PPFIBP1: variants seen among roughly 807,000 people sequenced by gnomAD.
PPFIBP1 encodes the protein PPFIB scaffold protein 1, also known as liprin-beta-1.
PPFIBP1 carries 112 observed loss-of-function variants against 137.8 expected under a neutral mutation model. The observed-to-expected ratio is 0.81, with a 90% CI of 0.70 to 0.95. The LOEUF is 0.95. Ranked by LOEUF, PPFIBP1 falls within the 40% of genes least tolerant of loss-of-function variation. The probability of loss-of-function intolerance (pLI) is 0.00; values close to 1 mark genes in which losing one functional copy is unlikely to be tolerated. For missense variants in PPFIBP1, 1,083 were observed against 1,196.6 expected (o/e 0.91, Z 1.40); for synonymous variants, 378 against 417.3 (o/e 0.91, Z 1.15).
chr12:27,592,552 T>C, intron 2 of PPFIBP1: 1 of 1,335,184 alleles, frequency 7.5e-7, no homozygotes, highest in Non-Finnish European at 1.1e-6. Context: ...ACGGGGACTC[T>C]TGGTGGCTTT....
rs2058136122 is a variant in PPFIBP1 at position 27,641,946 on chromosome 12, A to AAATAAAT, written c.271-4114_271-4113insTAAATAA. Among the ~76,000 whole-genome samples, 5 of 147,900 alleles carry AAATAAAT rather than the reference A, an allele frequency of 3.4e-5. No homozygotes were observed. In the East Asian group the frequency reaches 9.9e-4, roughly 29 times the overall value. ...CACTATATTAAATCTTGCAACTGCA[A>AAATAAAT]AAATAAATAAATAAATAAATAAATA... On this transcript the variant is annotated intron_variant, in intron 4 of 29. Coordinates refer to ENST00000228425, the MANE Select transcript of PPFIBP1 (RefSeq NM_003622.4).
At chr12:27,600,176 G>A (rs887890839) in intron 2 of PPFIBP1, among the ~76,000 whole-genome samples, 3 of 152,160 alleles carry the variant, frequency 2.0e-5, no homozygotes, top group Non-Finnish European at 4.4e-5. Flanking sequence ...GGTGGCTCAT[G>A]CCTATAATCC....
At chr12:27,537,741 G>T (rs67992105) in intron 1 of PPFIBP1, among the ~76,000 whole-genome samples, 25,193 of 151,726 alleles carry the variant, frequency 0.17, 2,351 homozygotes, top group Middle Eastern at 0.26. Flanking sequence ...TCCTGCGCTG[G>T]TGCCTTAAAG....
intron 4 of PPFIBP1, chr12:27,636,872 T>C (rs2139140474): frequency 6.6e-6 from 1 of 152,326 alleles, no homozygotes; most frequent in South Asian, 2.1e-4. Flanking sequence ...TTTCACTGAT[T>C]CTTAAACATG....
Position 27,689,087 on chromosome 12 carries a change from C to T in PPFIBP1, c.2569C>T (p.Arg857Ter), listed in dbSNP as rs373264878. The change falls in exon 27 of 30, where the codon CGA becomes TGA. Residue 857 changes from arginine (R) to a stop codon, truncating the protein, a stop_gained. Coordinates refer to ENST00000228425, the MANE Select transcript of PPFIBP1 (RefSeq NM_003622.4). LOFTEE classifies it high-confidence loss of function. ...CATCCCACCCAATAAGACTTTGCTGCGAAGACATTTGGCCACTCATTTCAA... is the reference window on the plus strand; with the variant it reads ...CATCCCACCCAATAAGACTTTGCTGTGAAGACATTTGGCCACTCATTTCAA... ...LNIPPNKTLL[R>*]RHLATHFNLL... is the part of the protein sequence containing the mutation. 1.9e-6 allele frequency: 3 copies of T among 1,613,218 alleles called. No homozygotes were observed. The highest frequency in any genetic ancestry group is 1.1e-5 in the South Asian group (1 of 90,894).
At chr12:27,602,332 GTGA>G (rs759999794) in intron 2 of PPFIBP1, among the ~76,000 whole-genome samples, 23 of 152,330 alleles carry the variant, frequency 1.5e-4, no homozygotes, top group Admixed American at 3.3e-4. Flanking sequence ...GGTGTACAGT[GTGA>G]TGATTTCATG....
intron 24 of PPFIBP1, among the ~76,000 whole-genome samples, chr12:27,683,756 C>G (rs2061022794): frequency 6.6e-6 from 1 of 151,392 alleles, no homozygotes; most frequent in Admixed American, 6.6e-5. Context: ...TTAAAATTCT[C>G]TTTATTTATT....
chr12:27,565,848 G>A (rs183960836), intron 1 of PPFIBP1, among the ~76,000 whole-genome samples: 67 of 152,110 alleles, frequency 4.4e-4, no homozygotes, highest in Admixed American at 2.9e-3. Context: ...CTACTTTGCC[G>A]TCTGTTTTCA....
chr12:27,527,055 G>T (rs1478412643), intron 1 of PPFIBP1, among the ~76,000 whole-genome samples: 1 of 151,818 alleles, frequency 6.6e-6, no homozygotes, highest in African/African-American at 2.4e-5. Context: ...TCAGAACAAG[G>T]TCATTTTTCC....
chr12:27,630,607 T>C (rs1329637635), intron 2 of PPFIBP1, among the ~76,000 whole-genome samples: 1 of 152,214 alleles, frequency 6.6e-6, no homozygotes, highest in Non-Finnish European at 1.5e-5. Context: ...TTAATGTAAT[T>C]TTAAAAATGT....
intron 19 of PPFIBP1, 56 bp from the exon 20 acceptor site, chr12:27,679,433 C>T: frequency 4.0e-6 from 6 of 1,506,186 alleles, no homozygotes; most frequent in Non-Finnish European, 5.4e-6. Context: ...AGAAGATTAA[C>T]ATCATGTTTA....
intron 1 of PPFIBP1, among the ~76,000 whole-genome samples, chr12:27,556,629 C>A (rs2048723393): frequency 6.6e-6 from 1 of 152,182 alleles, no homozygotes; most frequent in African/African-American, 2.4e-5. Flanking sequence ...TTGTGCTTTG[C>A]TGCTGGCAGT....
At chr12:27,566,792 G>T (rs1196006086) in intron 1 of PPFIBP1, among the ~76,000 whole-genome samples, 1 of 152,208 alleles carries the variant, frequency 6.6e-6, no homozygotes, top group Non-Finnish European at 1.5e-5. Context: ...CACACGGTCA[G>T]CAAGTACTGG....
intron 24 of PPFIBP1, among the ~76,000 whole-genome samples, 174 bp from the exon 25 acceptor site, chr12:27,687,211 C>A (rs960301132): frequency 6.6e-6 from 1 of 152,126 alleles, no homozygotes; most frequent in African/African-American, 2.4e-5. Flanking sequence ...AAATACTAAT[C>A]TGGGGTTTGG....
intron 13 of PPFIBP1, 46 bp from the exon 14 acceptor site, chr12:27,671,385 T>C (rs956268978): frequency 9.4e-7 from 1 of 1,063,784 alleles, no homozygotes; most frequent in African/African-American, 1.6e-5. Flanking sequence ...CTGTGGCTTG[T>C]GTTTTGTTTT....
intron 2 of PPFIBP1, among the ~76,000 whole-genome samples, chr12:27,587,370 CCA>C (rs2051890635): frequency 2.0e-5 from 3 of 151,912 alleles, no homozygotes; most frequent in African/African-American, 7.3e-5. Flanking sequence ...GTCTGTAATC[CCA>C]GCACTTTGGG....
At chr12:27,545,759 C>T (rs148530905) in intron 1 of PPFIBP1, among the ~76,000 whole-genome samples, 272 of 152,298 alleles carry the variant, frequency 1.8e-3, no homozygotes, top group African/African-American at 5.8e-3. Context: ...AGGCAAAACC[C>T]GTGGACTAGG....
chr12:27,625,054 T>G (rs2056695235), intron 2 of PPFIBP1, among the ~76,000 whole-genome samples: 2 of 152,164 alleles, frequency 1.3e-5, no homozygotes, highest in Admixed American at 6.5e-5. Context: ...GCAAATTGCT[T>G]GAGCCCAGGA....
chr12:27,568,607 C>G (rs747435286), intron 1 of PPFIBP1, among the ~76,000 whole-genome samples: 8 of 152,224 alleles, frequency 5.3e-5, no homozygotes, highest in Non-Finnish European at 8.8e-5. Context: ...GGTCACTTAA[C>G]AGAGCCGGCT....
Sources: gnomAD v4.1 joint callset for allele counts (sites outside exome capture counted in the v4.1 genomes callset) on GRCh38, gnomAD v4.1.1 for gene constraint, MANE v1.5 for transcripts, NCBI Gene and HGNC (gene_info 2026-07-23, HGNC 2026-07-21) for gene names.